The following STARD13 variants were observed in gnomAD, a reference collection of about 807,000 sequenced individuals.
STARD13 encodes the protein stAR-related lipid transfer protein 13.
STARD13 carries 62 observed loss-of-function variants against 106.4 expected under a neutral mutation model. The ratio of observed to expected loss-of-function variants is 0.58; its 90% confidence interval spans 0.48 to 0.72. STARD13 has a LOEUF of 0.72. STARD13 is among the 30% of genes least tolerant of loss of function. STARD13 has a pLI of 0.00. For missense variants in STARD13, 1,387 were observed against 1,424.0 expected (o/e 0.97, Z 0.42); for synonymous variants, 565 against 553.0 (o/e 1.02, Z -0.31).
At chr13:33,241,572 G>T (rs1354616927) in intron 1 of STARD13, among the ~76,000 whole-genome samples, 1 of 100,980 alleles carries the variant, frequency 9.9e-6, no homozygotes, top group Non-Finnish European at 1.8e-5. Flanking sequence ...CCCTTTGCAC[G>T]GTCTCCCTCT....
rs150914209 is a variant in STARD13 at position 33,331,588 on chromosome 13, A to C, written c.124+18702T>G. ...GCCATGTTGGTCAGGCTAGTCTCGA[A>C]CTCCTGACCTTAGGTGGTCCACCTG... On this transcript the variant is annotated intron_variant, in intron 1 of 5. Coordinates refer to the STARD13 transcript ENST00000567873. Among the ~76,000 whole-genome samples the C allele has an allele frequency of 5.7e-3, 831 of 145,192 alleles. 5 individuals are homozygous for C. Among genetic ancestry groups the C allele is most frequent in the Non-Finnish European group, 8.9e-3 (594 of 66,662 alleles).
intron 1 of STARD13, among the ~76,000 whole-genome samples, chr13:33,195,408 G>A (rs908750841): frequency 1.3e-5 from 2 of 152,112 alleles, no homozygotes; most frequent in African/African-American, 2.4e-5. Flanking sequence ...CAAAGTCCCC[G>A]GGGACCACAT....
At chr13:33,300,312 G>A (rs1371655369) in intron 1 of STARD13, among the ~76,000 whole-genome samples, 1 of 152,120 alleles carries the variant, frequency 6.6e-6, no homozygotes, top group African/African-American at 2.4e-5. Flanking sequence ...CAAAAATATG[G>A]GTGAGAACTT....
chr13:33,358,230 G>A, the STARD13 span, among the ~76,000 whole-genome samples: 8 of 152,198 alleles, frequency 5.3e-5, no homozygotes, highest in East Asian at 5.8e-4. Flanking sequence ...GGCAGGGCTC[G>A]GGACATGCAG....
the STARD13 span, among the ~76,000 whole-genome samples, chr13:33,485,087 T>A: frequency 6.6e-6 from 1 of 152,224 alleles, no homozygotes; most frequent in Admixed American, 6.5e-5. Flanking sequence ...ATCAGTTATT[T>A]TGACAGATTT....
intron 1 of STARD13, among the ~76,000 whole-genome samples, chr13:33,298,134 T>G (rs1248084850): frequency 4.7e-5 from 6 of 129,010 alleles, no homozygotes; most frequent in Middle Eastern, 3.7e-3. Flanking sequence ...TTTTTTTTTT[T>G]TTTTTTTTTT....
At chr13:33,203,115 C>T (rs998293628) in intron 1 of STARD13, among the ~76,000 whole-genome samples, 1 of 152,214 alleles carries the variant, frequency 6.6e-6, no homozygotes, top group Non-Finnish European at 1.5e-5. Flanking sequence ...TTCTGATTCC[C>T]ACAATGCAGC....
chr13:33,234,936 T>C (rs1189641296), intron 1 of STARD13, among the ~76,000 whole-genome samples: 1 of 152,254 alleles, frequency 6.6e-6, no homozygotes, highest in Non-Finnish European at 1.5e-5. Flanking sequence ...AATTTGTATG[T>C]TTTTATCTGC....
chr13:33,580,699 T>A, the STARD13 span, among the ~76,000 whole-genome samples: 1 of 152,128 alleles, frequency 6.6e-6, no homozygotes. Flanking sequence ...TTAATTTTTC[T>A]GTAAACTTGA....
the STARD13 span, among the ~76,000 whole-genome samples, chr13:33,454,510 T>C: frequency 3.9e-5 from 6 of 152,234 alleles, no homozygotes; most frequent in African/African-American, 1.2e-4. Context: ...CAGTTACTTA[T>C]AGACAGAAAA....
At chr13:33,239,790 T>C (rs1889374793) in intron 1 of STARD13, among the ~76,000 whole-genome samples, 1 of 152,200 alleles carries the variant, frequency 6.6e-6, no homozygotes, top group Non-Finnish European at 1.5e-5. Flanking sequence ...ATATTCTAGA[T>C]ATTAACCATT....
the STARD13 span, among the ~76,000 whole-genome samples, chr13:33,577,043 C>T: frequency 6.6e-6 from 1 of 152,168 alleles, no homozygotes; most frequent in Non-Finnish European, 1.5e-5. Context: ...TCACGTTTCA[C>T]AAAAGCCCTT....
At chr13:33,258,337 G>T (rs1890471176) in intron 1 of STARD13, among the ~76,000 whole-genome samples, 1 of 152,164 alleles carries the variant, frequency 6.6e-6, no homozygotes, top group South Asian at 2.1e-4. Context: ...GAGAGCAGTT[G>T]TTCTATGTTC....
the STARD13 span, among the ~76,000 whole-genome samples, chr13:33,499,515 T>TTCTTCTTC: frequency 9.4e-6 from 1 of 106,568 alleles, no homozygotes; most frequent in Non-Finnish European, 2.0e-5. Flanking sequence ...CTTCTTCTTC[T>TTCTTCTTC]TTCTTTCTTC....
chr13:33,186,659 T>G (rs1885796187), intron 1 of STARD13, among the ~76,000 whole-genome samples: 1 of 152,168 alleles, frequency 6.6e-6, no homozygotes, highest in Non-Finnish European at 1.5e-5. Flanking sequence ...ATTTACATCC[T>G]AAAGAGTATG....
chr13:33,599,243 A>G, the STARD13 span, among the ~76,000 whole-genome samples: 1 of 152,192 alleles, frequency 6.6e-6, no homozygotes. Context: ...CACGTGTTCC[A>G]GGAACTCCCT....
chr13:33,103,999 A>G lies in STARD13; in HGVS notation c.*1594T>C, dbSNP rs988852748. The G allele has an allele frequency of 5.3e-5, 8 of 152,218 alleles. No homozygotes were observed. Among genetic ancestry groups the G allele is most frequent in the Non-Finnish European group, 1.2e-4 (8 of 68,038 alleles). The allele number at this position is 152,218 out of a possible 1,614,324, so 9.4% of individuals were successfully genotyped here. ...TCCTCGCACCATACCAAACTCATAGAAAGCTTTTTTATTCCTCTCAATAAA... is the reference window on the plus strand; with the variant it reads ...TCCTCGCACCATACCAAACTCATAGGAAGCTTTTTTATTCCTCTCAATAAA... On this transcript the variant is annotated 3_prime_UTR_variant, in exon 14 of 14. Transcript: ENST00000336934.
chr13:33,455,201 A>C, the STARD13 span, among the ~76,000 whole-genome samples: 1 of 152,244 alleles, frequency 6.6e-6, no homozygotes, highest in Non-Finnish European at 1.5e-5. Flanking sequence ...TGCCAACAGG[A>C]GGATGCTGAG....
intron 1 of STARD13, among the ~76,000 whole-genome samples, chr13:33,248,982 C>T (rs538156935): frequency 6.6e-6 from 1 of 152,206 alleles, no homozygotes; most frequent in East Asian, 1.9e-4. Context: ...GAAAAGAAAA[C>T]AAAACTCCTT....
Sources: gnomAD v4.1 joint callset for allele counts (sites outside exome capture counted in the v4.1 genomes callset) on GRCh38, gnomAD v4.1.1 for gene constraint, MANE v1.5 for transcripts, NCBI Gene and HGNC (gene_info 2026-07-23, HGNC 2026-07-21) for gene names.